ATRNL1: variants seen among roughly 807,000 people sequenced by gnomAD.
ATRNL1 encodes attractin-like protein 1.
A neutral mutation model predicts 182.7 loss-of-function variants in ATRNL1; 95 were observed. The observed-to-expected ratio is 0.52, with a 90% CI of 0.44 to 0.62. The LOEUF is 0.62. ATRNL1 is among the 20% of genes least tolerant of loss of function. The probability of loss-of-function intolerance (pLI) is 0.00; values close to 1 mark genes in which losing one functional copy is unlikely to be tolerated. For synonymous variants in ATRNL1, 576 were observed against 568.3 expected (o/e 1.01, Z -0.19); for missense variants, 1,471 against 1,679.5 (o/e 0.88, Z 2.17).
chr10:115,163,677 C>T (rs1224841496), intron 6 of ATRNL1, among the ~76,000 whole-genome samples: 1 of 152,134 alleles, frequency 6.6e-6, no homozygotes, highest in South Asian at 2.1e-4. Flanking sequence ...GGATTTTGTA[C>T]TTTTAATGGG....
intron 8 of ATRNL1, among the ~76,000 whole-genome samples, chr10:115,200,083 A>T (rs1554891980): frequency 6.6e-6 from 1 of 152,132 alleles, no homozygotes; most frequent in East Asian, 1.9e-4. Flanking sequence ...GTGATTAAAA[A>T]AATACCCATT....
intron 27 of ATRNL1, among the ~76,000 whole-genome samples, chr10:115,833,610 T>C (rs1376779309): frequency 2.6e-5 from 4 of 152,226 alleles, no homozygotes; most frequent in African/African-American, 9.6e-5. Flanking sequence ...GGCAGTACTC[T>C]AAATGCTTTG....
At chr10:115,839,959 A>G (rs576867674) in intron 27 of ATRNL1, among the ~76,000 whole-genome samples, 5 of 152,330 alleles carry the variant, frequency 3.3e-5, no homozygotes, top group African/African-American at 9.6e-5. Context: ...GTTTACATCT[A>G]TCTATTCTAG....
At chr10:115,646,036 T>TACACACACGC (rs1555032229) in intron 26 of ATRNL1, among the ~76,000 whole-genome samples, 1 of 141,558 alleles carries the variant, frequency 7.1e-6, no homozygotes, top group Admixed American at 7.2e-5. Flanking sequence ...TTTTAAAATT[T>TACACACACGC]ACACACACAC....
intron 28 of ATRNL1, among the ~76,000 whole-genome samples, chr10:115,857,624 C>T (rs1406942918): frequency 1.3e-5 from 2 of 152,150 alleles, no homozygotes; most frequent in Admixed American, 6.5e-5. Context: ...CCTTCCATTT[C>T]AGACTTTTAA....
intron 21 of ATRNL1, among the ~76,000 whole-genome samples, chr10:115,429,207 G>T (rs1239079883): frequency 6.6e-6 from 1 of 151,614 alleles, no homozygotes; most frequent in Non-Finnish European, 1.5e-5. Flanking sequence ...TCAAAATTTT[G>T]TTTTCTACTC....
At chr10:115,428,902 T>C (rs936588019) in intron 21 of ATRNL1, among the ~76,000 whole-genome samples, 2 of 152,140 alleles carry the variant, frequency 1.3e-5, no homozygotes, top group African/African-American at 4.8e-5. Flanking sequence ...TTTGCTTAAC[T>C]ACTTTAGAAA....
intron 9 of ATRNL1, among the ~76,000 whole-genome samples, chr10:115,223,671 A>T (rs1849558295): frequency 6.6e-6 from 1 of 151,834 alleles, no homozygotes; most frequent in South Asian, 2.1e-4. Context: ...ATTGAAGCAT[A>T]TACATGGTTT....
At chr10:115,428,811 A>G (rs1156230636) in intron 21 of ATRNL1, among the ~76,000 whole-genome samples, 2 of 152,108 alleles carry the variant, frequency 1.3e-5, no homozygotes, top group Admixed American at 1.3e-4. Flanking sequence ...ATGAACATTC[A>G]TATGGTCTTT....
At chr10:115,733,967 A>G (rs1241529711) in intron 27 of ATRNL1, among the ~76,000 whole-genome samples, 1 of 152,112 alleles carries the variant, frequency 6.6e-6, no homozygotes, top group Non-Finnish European at 1.5e-5. Context: ...TATTTTTACA[A>G]AATTGAGAGC....
At chr10:115,246,026 T>C (rs548426255) in intron 10 of ATRNL1, among the ~76,000 whole-genome samples, 1 of 152,306 alleles carries the variant, frequency 6.6e-6, no homozygotes, top group East Asian at 1.9e-4. Context: ...TAGTTTAATC[T>C]TTTTTAAAAA....
intron 26 of ATRNL1, among the ~76,000 whole-genome samples, chr10:115,692,463 C>T (rs1555048495): frequency 6.6e-6 from 1 of 152,072 alleles, no homozygotes; most frequent in African/African-American, 2.4e-5. Flanking sequence ...AGGTACATTA[C>T]AGGTGAAGGT....
At chr10:115,556,667 G>T (rs1307546137) in intron 26 of ATRNL1, among the ~76,000 whole-genome samples, 1 of 151,926 alleles carries the variant, frequency 6.6e-6, no homozygotes, top group Non-Finnish European at 1.5e-5. Context: ...CATACTAAGG[G>T]GTTACCCCAC....
chr10:115,177,244 A>G (rs1554886911), intron 8 of ATRNL1, among the ~76,000 whole-genome samples: 1 of 152,148 alleles, frequency 6.6e-6, no homozygotes, highest in Non-Finnish European at 1.5e-5. Context: ...TGACAGGAAC[A>G]GTTTCTGTGT....
At chr10:115,815,719 T>C (rs1411180212) in intron 27 of ATRNL1, among the ~76,000 whole-genome samples, 1 of 152,104 alleles carries the variant, frequency 6.6e-6, no homozygotes, top group African/African-American at 2.4e-5. Context: ...TATCCGTGAA[T>C]AGAAATGTGT....
At chr10:115,136,560 T>G (rs1396858015) in intron 5 of ATRNL1, among the ~76,000 whole-genome samples, 1 of 152,196 alleles carries the variant, frequency 6.6e-6, no homozygotes, top group African/African-American at 2.4e-5. Flanking sequence ...AACAGAATAG[T>G]TTTTTTAACC....
At chr10:115,207,495 C>G (rs1447527038) in intron 8 of ATRNL1, among the ~76,000 whole-genome samples, 8 of 151,858 alleles carry the variant, frequency 5.3e-5, no homozygotes, top group African/African-American at 1.9e-4. Context: ...AATTTTCATT[C>G]AGCCCAAGGA....
At chr10:115,774,877 T>G (rs900796232) in intron 27 of ATRNL1, among the ~76,000 whole-genome samples, 46 of 152,110 alleles carry the variant, frequency 3.0e-4, no homozygotes, top group African/African-American at 9.9e-4. Context: ...TGGTTTGTTT[T>G]TTTTTTTATG....
chr10:115,220,678 G>A (rs1849418681), intron 9 of ATRNL1, among the ~76,000 whole-genome samples: 2 of 141,004 alleles, frequency 1.4e-5, no homozygotes, highest in African/African-American at 2.6e-5. Flanking sequence ...TGAAACAAGT[G>A]TGCAGTGTGG....
Sources: gnomAD v4.1 joint callset for allele counts (sites outside exome capture counted in the v4.1 genomes callset) on GRCh38, gnomAD v4.1.1 for gene constraint, MANE v1.5 for transcripts, NCBI Gene and HGNC (gene_info 2026-07-23, HGNC 2026-07-21) for gene names.